DYNC1I1: variants seen among roughly 807,000 people sequenced by gnomAD.
DYNC1I1 encodes cytoplasmic dynein 1 intermediate chain 1.
Under a neutral mutation model 86.6 loss-of-function variants are expected in DYNC1I1, and 43 were observed. The observed-to-expected ratio is 0.50, with a 90% CI of 0.39 to 0.64. The LOEUF is 0.64. Ranked by LOEUF, DYNC1I1 falls within the 30% of genes least tolerant of loss-of-function variation. The pLI is 0.00. For missense variants in DYNC1I1, 604 were observed against 788.8 expected (o/e 0.77, Z 2.81); for synonymous variants, 262 against 283.7 (o/e 0.92, Z 0.77).
intron 1 of DYNC1I1, among the ~76,000 whole-genome samples, chr7:95,773,684 C>G (rs1793767516): frequency 6.6e-6 from 1 of 152,164 alleles, no homozygotes; most frequent in Non-Finnish European, 1.5e-5. Context: ...GCTTGGAATG[C>G]CTTTCAAGTG....
Position 95,932,948 on chromosome 7 carries a change from A to G in DYNC1I1, c.491-44564A>G, listed in dbSNP as rs74982005. On this transcript the variant is annotated intron_variant, in intron 6 of 16. Coordinates refer to ENST00000447467, the MANE Select transcript of DYNC1I1 (RefSeq NM_001135556.2). ...CAGACTTGAGTACAGTGGCACAATC[A>G]TAGCTCATTTCAGCCTTGAATTCCT... is the stretch of plus-strand genomic sequence containing the variant. Among the ~76,000 whole-genome samples, 1,349 of 148,712 alleles carry G rather than the reference A, an allele frequency of 9.1e-3. 16 individuals carry two copies. The highest frequency in any genetic ancestry group is 0.031 in the African/African-American group (1,262 of 40,408).
At chr7:96,090,623 G>C (rs1228939511) in intron 16 of DYNC1I1, among the ~76,000 whole-genome samples, 1 of 152,058 alleles carries the variant, frequency 6.6e-6, no homozygotes, top group Admixed American at 6.6e-5. Context: ...GGGTGGATGA[G>C]GGTTCCCTTA....
chr7:96,091,920 A>G (rs1003114379), intron 16 of DYNC1I1, among the ~76,000 whole-genome samples: 2 of 152,202 alleles, frequency 1.3e-5, no homozygotes, highest in African/African-American at 4.8e-5. Flanking sequence ...TATTAGTCAC[A>G]TGTGAAAAAT....
chr7:96,027,038 C>T (rs942109627), intron 10 of DYNC1I1, among the ~76,000 whole-genome samples: 1 of 152,214 alleles, frequency 6.6e-6, no homozygotes, highest in South Asian at 2.1e-4. Flanking sequence ...TTTGCCAAGG[C>T]ATGCACCTGC....
intron 4 of DYNC1I1, among the ~76,000 whole-genome samples, chr7:95,822,576 G>A (rs1795100150): frequency 6.6e-6 from 1 of 152,076 alleles, no homozygotes; most frequent in African/African-American, 2.4e-5. Flanking sequence ...CCAACCCTGG[G>A]ACCATAGAAC....
chr7:95,943,447 C>T (rs1367520939), intron 6 of DYNC1I1, among the ~76,000 whole-genome samples: 2 of 150,136 alleles, frequency 1.3e-5, no homozygotes, highest in African/African-American at 4.9e-5. Flanking sequence ...GGCCATACTG[C>T]CCAAGGTAAT....
chr7:95,879,610 C>T (rs796456670), intron 6 of DYNC1I1, among the ~76,000 whole-genome samples: 4 of 151,894 alleles, frequency 2.6e-5, no homozygotes, highest in Admixed American at 6.6e-5. Flanking sequence ...GTCAAAGACA[C>T]GGAAATGAGG....
At chr7:95,939,982 G>A (rs1446170181) in intron 6 of DYNC1I1, among the ~76,000 whole-genome samples, 1 of 152,004 alleles carries the variant, frequency 6.6e-6, no homozygotes, top group Non-Finnish European at 1.5e-5. Context: ...AGCTCTTTTA[G>A]GGCAGGCCTG....
intron 14 of DYNC1I1, among the ~76,000 whole-genome samples, chr7:96,051,891 C>A (rs1316301120): frequency 1.3e-5 from 2 of 152,062 alleles, no homozygotes; most frequent in Non-Finnish European, 2.9e-5. Flanking sequence ...TTTTAAATAT[C>A]TTCATTTAAA....
chr7:95,963,513 CTG>C (rs1169977285), intron 6 of DYNC1I1, among the ~76,000 whole-genome samples: 1 of 152,176 alleles, frequency 6.6e-6, no homozygotes, highest in Non-Finnish European at 1.5e-5. Context: ...ACTGAAATGA[CTG>C]AGAACAGGCA....
chr7:96,035,846 G>C, intron 13 of DYNC1I1, 94 bp downstream of exon 13: 1 of 1,564,488 alleles, frequency 6.4e-7, no homozygotes, highest in Non-Finnish European at 8.6e-7. Flanking sequence ...TTATGAGAAA[G>C]CATCTCTGGA....
At chr7:95,838,518 C>T (rs922920013) in intron 5 of DYNC1I1, among the ~76,000 whole-genome samples, 2 of 152,118 alleles carry the variant, frequency 1.3e-5, no homozygotes, top group Non-Finnish European at 2.9e-5. Context: ...TTTGGTTATT[C>T]AAGGTCTTTT....
intron 6 of DYNC1I1, among the ~76,000 whole-genome samples, chr7:95,941,529 A>G (rs1042037850): frequency 9.9e-5 from 15 of 152,138 alleles, no homozygotes; most frequent in South Asian, 4.2e-4. Flanking sequence ...CCCCAGCCTC[A>G]CTGCCACCTT....
intron 14 of DYNC1I1, among the ~76,000 whole-genome samples, chr7:96,043,447 C>T (rs897464033): frequency 6.6e-6 from 1 of 151,614 alleles, no homozygotes; most frequent in Non-Finnish European, 1.5e-5. Flanking sequence ...AAACCCAGAC[C>T]GCTGGCATAT....
At chr7:96,015,024 G>T (rs1794368182) in intron 10 of DYNC1I1, among the ~76,000 whole-genome samples, 1 of 151,978 alleles carries the variant, frequency 6.6e-6, no homozygotes, top group Admixed American at 6.6e-5. Context: ...AAGGCACTTT[G>T]TGAATCTCAC....
At chr7:95,970,685 C>T (rs1055563590) in intron 6 of DYNC1I1, among the ~76,000 whole-genome samples, 1 of 152,148 alleles carries the variant, frequency 6.6e-6, no homozygotes, top group African/African-American at 2.4e-5. Flanking sequence ...TTAGTAATTT[C>T]CAGAACAGTC....
chr7:95,892,315 T>G (rs761131347), intron 6 of DYNC1I1, among the ~76,000 whole-genome samples: 1 of 151,800 alleles, frequency 6.6e-6, no homozygotes, highest in Non-Finnish European at 1.5e-5. Context: ...CCCAGCTAAT[T>G]TTTCTTCCCC....
intron 11 of DYNC1I1, among the ~76,000 whole-genome samples, chr7:96,029,586 CTAT>C (rs1455127712): frequency 6.6e-6 from 1 of 152,064 alleles, no homozygotes; most frequent in Non-Finnish European, 1.5e-5. Flanking sequence ...AACTAAAATA[CTAT>C]TATTATCAAA....
At chr7:95,830,425 A>C (rs1795295823) in intron 5 of DYNC1I1, among the ~76,000 whole-genome samples, 1 of 151,916 alleles carries the variant, frequency 6.6e-6, no homozygotes, top group Non-Finnish European at 1.5e-5. Flanking sequence ...ACTATACCTT[A>C]GTTTGCCTTT....
Sources: allele counts gnomAD v4.1 joint callset (sites outside exome capture counted in the v4.1 genomes callset), GRCh38; gene constraint gnomAD v4.1.1; transcripts MANE v1.5; gene names NCBI Gene and HGNC (gene_info 2026-07-23, HGNC 2026-07-21).